The following KCNT2 variants were observed in gnomAD, a reference collection of about 807,000 sequenced individuals.
KCNT2 encodes the protein potassium sodium-activated channel subfamily T member 2.
In KCNT2, 67 loss-of-function variants were observed where a neutral mutation model predicts 153.8. That is an observed-to-expected ratio of 0.44 (90% CI 0.36 to 0.53). The LOEUF (loss-of-function observed/expected upper bound fraction) is 0.53. Ranked by LOEUF, KCNT2 falls within the 20% of genes least tolerant of loss-of-function variation. The pLI is 0.00. For synonymous variants in KCNT2, 500 were observed against 458.8 expected (o/e 1.09, Z -1.15); for missense variants, 975 against 1,354.8 (o/e 0.72, Z 4.40).
At chr1:196,430,605 A>G (rs1674067197) in intron 8 of KCNT2, among the ~76,000 whole-genome samples, 1 of 152,068 alleles carries the variant, frequency 6.6e-6, no homozygotes, top group Admixed American at 6.6e-5. Flanking sequence ...TTCAGGTATT[A>G]TTTTATGGCA....
chr1:196,533,454 A>T (rs1294188754), intron 1 of KCNT2, among the ~76,000 whole-genome samples: 1 of 152,100 alleles, frequency 6.6e-6, no homozygotes, highest in East Asian at 1.9e-4. Flanking sequence ...ATAAATATGA[A>T]CTAGTCGTAC....
chr1:196,483,031 A>G (rs901148228), intron 3 of KCNT2, among the ~76,000 whole-genome samples: 1 of 152,170 alleles, frequency 6.6e-6, no homozygotes, highest in Non-Finnish European at 1.5e-5. Context: ...CTGTGTCTAC[A>G]TCATTTAGTA....
At chr1:196,557,766 G>C (rs1377546952) in intron 1 of KCNT2, among the ~76,000 whole-genome samples, 1 of 151,306 alleles carries the variant, frequency 6.6e-6, no homozygotes, top group African/African-American at 2.4e-5. Flanking sequence ...TTGAAGACTT[G>C]TTTGTGAATA....
chr1:196,462,227 T>C (rs1677214169), intron 8 of KCNT2, among the ~76,000 whole-genome samples: 1 of 151,724 alleles, frequency 6.6e-6, no homozygotes, highest in Admixed American at 6.6e-5. Flanking sequence ...CCCTGGTTTT[T>C]ATCTGTCATG....
At chr1:196,506,488 A>C (rs759246563) in intron 1 of KCNT2, among the ~76,000 whole-genome samples, 76 of 152,298 alleles carry the variant, frequency 5.0e-4, no homozygotes, top group East Asian at 3.9e-4. Flanking sequence ...ACTTCAGAAA[A>C]TGCCTACAGA....
intron 25 of KCNT2, among the ~76,000 whole-genome samples, chr1:196,264,453 T>C (rs1256681700): frequency 6.6e-6 from 1 of 152,068 alleles, no homozygotes; most frequent in Admixed American, 6.6e-5. Context: ...GAGACATTCA[T>C]TTACCATATC....
At chr1:196,509,877 T>C (rs1168028074) in intron 1 of KCNT2, among the ~76,000 whole-genome samples, 3 of 152,160 alleles carry the variant, frequency 2.0e-5, no homozygotes, top group Non-Finnish European at 1.5e-5. Flanking sequence ...AATGTATTTA[T>C]TAAAAATGGG....
chr1:196,537,971 C>T (rs1655826790), intron 1 of KCNT2, among the ~76,000 whole-genome samples: 1 of 152,200 alleles, frequency 6.6e-6, no homozygotes, highest in Non-Finnish European at 1.5e-5. Context: ...GCCCTGCCTG[C>T]ACCTGAAGGT....
At chr1:196,297,562 A>T (rs1332138758) in intron 22 of KCNT2, among the ~76,000 whole-genome samples, 1 of 152,210 alleles carries the variant, frequency 6.6e-6, no homozygotes, top group African/African-American at 2.4e-5. Context: ...TGTTATCCAT[A>T]TAAATTGTAT....
chr1:196,276,282 G>C (rs1355534692), intron 25 of KCNT2, among the ~76,000 whole-genome samples: 7 of 152,106 alleles, frequency 4.6e-5, no homozygotes, highest in African/African-American at 1.4e-4. Flanking sequence ...TATGTGGTTA[G>C]TATTCATTTC....
intron 13 of KCNT2, among the ~76,000 whole-genome samples, chr1:196,387,773 T>C (rs1247954407): frequency 7.9e-5 from 12 of 151,960 alleles, no homozygotes; most frequent in Admixed American, 7.9e-4. Flanking sequence ...TTTGGACTCT[T>C]AAAATTGAAT....
intron 14 of KCNT2, among the ~76,000 whole-genome samples, chr1:196,353,826 T>G (rs907642932): frequency 6.6e-6 from 1 of 151,922 alleles, no homozygotes. Flanking sequence ...TAAAAGAACC[T>G]TATATAGTTT....
chr1:196,333,386 G>C (rs1020227241), intron 17 of KCNT2, among the ~76,000 whole-genome samples: 1 of 152,052 alleles, frequency 6.6e-6, no homozygotes, highest in East Asian at 1.9e-4. Flanking sequence ...AATGAATAGT[G>C]TATGAAAGTG....
chr1:196,528,389 T>A (rs1200429361), intron 1 of KCNT2, among the ~76,000 whole-genome samples: 1 of 152,194 alleles, frequency 6.6e-6, no homozygotes, highest in Non-Finnish European at 1.5e-5. Flanking sequence ...AAATTCTATG[T>A]TGCCATTTCC....
At chr1:196,466,898 G>A (rs543824298) in intron 7 of KCNT2, among the ~76,000 whole-genome samples, 6 of 151,970 alleles carry the variant, frequency 3.9e-5, no homozygotes, top group African/African-American at 1.4e-4. Context: ...CACCAAGCAG[G>A]GTCAGCCTTG....
At chr1:196,418,328 T>C (rs1366183124) in intron 12 of KCNT2, among the ~76,000 whole-genome samples, 1 of 151,714 alleles carries the variant, frequency 6.6e-6, no homozygotes, top group Non-Finnish European at 1.5e-5. Flanking sequence ...ACACAAAAAA[T>C]AAAAATAAAT....
chr1:196,575,524 G>C (rs1233328667), intron 1 of KCNT2, among the ~76,000 whole-genome samples: 1 of 151,736 alleles, frequency 6.6e-6, no homozygotes, highest in Non-Finnish European at 1.5e-5. Context: ...GCTGACTTTT[G>C]TAATGTAGAC....
chr1:196,479,703 A>G (rs568626426), intron 4 of KCNT2, among the ~76,000 whole-genome samples: 4 of 152,248 alleles, frequency 2.6e-5, no homozygotes, highest in African/African-American at 9.6e-5. Flanking sequence ...GAGCCACCGT[A>G]CCCAGCTATG....
chr1:196,242,659 A>T, intron 26 of KCNT2, among the ~76,000 whole-genome samples: 1 of 152,160 alleles, frequency 6.6e-6, no homozygotes, highest in Admixed American at 6.5e-5. Context: ...TGATAACAGC[A>T]TGATTATTTG....
Sources: allele counts gnomAD v4.1 joint callset (sites outside exome capture counted in the v4.1 genomes callset), GRCh38; gene constraint gnomAD v4.1.1; transcripts MANE v1.5; gene names NCBI Gene and HGNC (gene_info 2026-07-23, HGNC 2026-07-21).